FSIP1: variants seen among roughly 807,000 people sequenced by gnomAD.
FSIP1 encodes fibrous sheath interacting protein 1.
FSIP1 carries 65 observed loss-of-function variants against 60.9 expected under a neutral mutation model. That is an observed-to-expected ratio of 1.07 (90% CI 0.87 to 1.31). FSIP1 has a LOEUF of 1.31. Ranked by LOEUF, FSIP1 falls within the 40% of genes most tolerant of loss-of-function variation. FSIP1 has a pLI of 0.00. For missense variants in FSIP1, 675 were observed against 665.5 expected, an observed-to-expected ratio of 1.01 and a Z score of -0.16; for synonymous variants, 209 against 221.2, an observed-to-expected ratio of 0.94 and a Z score of 0.49.
chr15:39,630,166 G>T lies in FSIP1; in HGVS notation c.1189-11921C>A, dbSNP rs899998705. On this transcript the variant is annotated intron_variant, in intron 10 of 11. Transcript: ENST00000350221. ...CATGAAGCTCCATATTAATATATTT[G>T]CTCAGTGAACTGTCCTTTTACATTT... Among the ~76,000 whole-genome samples the T allele has an allele frequency of 2.0e-5, 3 of 152,182 alleles. No homozygotes were observed. The East Asian group carries it at 5.8e-4, about 29-fold the overall frequency.
At chr15:39,758,555 G>C (rs1289184421) in intron 5 of FSIP1, among the ~76,000 whole-genome samples, 3 of 151,956 alleles carry the variant, frequency 2.0e-5, no homozygotes, top group Non-Finnish European at 4.4e-5. Context: ...TGAAGGTATA[G>C]AATTACTGAT....
rs1017355369 is a variant in FSIP1 at position 39,639,041 on chromosome 15, C to T, written c.1189-20796G>A. Among the ~76,000 whole-genome samples the T allele has an allele frequency of 3.9e-5, 6 of 152,140 alleles. No homozygotes were observed. The South Asian group carries it at 6.2e-4, about 16-fold the overall frequency. On this transcript the variant is annotated intron_variant, in intron 10 of 11. Coordinates refer to ENST00000350221, the MANE Select transcript of FSIP1 (RefSeq NM_152597.5). ...GTAGTCTATGATATCGGAGATATAT[C>T]ATGAAATCAGAAGTAATACTAAAAG...
intron 11 of FSIP1, among the ~76,000 whole-genome samples, chr15:39,606,861 G>A (rs757351466): frequency 2.0e-5 from 3 of 152,294 alleles, no homozygotes; most frequent in South Asian, 2.1e-4. Flanking sequence ...TACTATACAA[G>A]CATAGGTGGC....
chr15:39,691,897 G>C (rs1395017716), intron 10 of FSIP1, among the ~76,000 whole-genome samples: 1 of 152,200 alleles, frequency 6.6e-6, no homozygotes, highest in Non-Finnish European at 1.5e-5. Context: ...TAGATAGAGA[G>C]CGAGTGATAG....
At chr15:39,673,266 C>T (rs1893791795) in intron 10 of FSIP1, among the ~76,000 whole-genome samples, 1 of 152,122 alleles carries the variant, frequency 6.6e-6, no homozygotes, top group South Asian at 2.1e-4. Flanking sequence ...ATCAAATTTC[C>T]TTTTTTAACT....
Position 39,737,949 on chromosome 15 carries a change from A to G in FSIP1, c.891+142T>C, listed in dbSNP as rs560062102. The G allele has an allele frequency of 5.4e-6, 3 of 550,902 alleles. No individual in the cohort carries two copies. In the African/African-American group the frequency reaches 5.8e-5, roughly 11 times the overall value. The allele number at this position is 550,902 out of a possible 1,614,324, so 34.1% of individuals were successfully genotyped here. A position where few individuals can be genotyped will look rare whatever the true frequency, so the allele number is the denominator to read the frequency against. ...GTATTTTGTTATCTGTTCCTGTGTT[A>G]GTAAAACAGGGTTTTTTTAAAATCA... is the stretch of plus-strand genomic sequence containing the variant. On this transcript the variant is annotated intron_variant, in intron 8 of 11. Transcript: ENST00000350221.
Position 39,636,607 on chromosome 15 carries a change from C to A in FSIP1, c.1189-18362G>T, listed in dbSNP as rs191011951. Among the ~76,000 whole-genome samples the A allele has an allele frequency of 1.6e-4, 25 of 152,238 alleles. No homozygotes were observed. In the East Asian group the frequency reaches 4.6e-3, roughly 28 times the overall value. On this transcript the variant is annotated intron_variant, in intron 10 of 11. Transcript: ENST00000350221. ...GGTGGATTGATGGACTTTAGGGATT[C>A]GGGGTGCCCTGAATTCACCAAATCC...
chr15:39,685,252 A>G (rs1324210339), intron 10 of FSIP1, among the ~76,000 whole-genome samples: 1 of 152,194 alleles, frequency 6.6e-6, no homozygotes, highest in Admixed American at 6.5e-5. Flanking sequence ...GAGGATTTCC[A>G]TGACAAAAAA....
At chr15:39,705,698 A>T (rs1895235631) in intron 10 of FSIP1, among the ~76,000 whole-genome samples, 2 of 152,174 alleles carry the variant, frequency 1.3e-5, no homozygotes, top group South Asian at 4.1e-4. Flanking sequence ...ATATATTTTC[A>T]ATTAAAAGTC....
At chr15:39,694,847 G>A (rs950422989) in intron 10 of FSIP1, among the ~76,000 whole-genome samples, 4 of 151,596 alleles carry the variant, frequency 2.6e-5, no homozygotes, top group African/African-American at 7.3e-5. Flanking sequence ...TATATATAAA[G>A]ACTCATTTTT....
At chr15:39,611,014 A>G (rs1386947038) in intron 11 of FSIP1, among the ~76,000 whole-genome samples, 1 of 152,258 alleles carries the variant, frequency 6.6e-6, no homozygotes, top group African/African-American at 2.4e-5. Context: ...TAATTGATAC[A>G]TAAAACTTAT....
intron 10 of FSIP1, among the ~76,000 whole-genome samples, chr15:39,624,164 G>A (rs1009305371): frequency 2.0e-5 from 3 of 152,204 alleles, no homozygotes; most frequent in Non-Finnish European, 4.4e-5. Context: ...TGGCAGGGCT[G>A]TGGGTAAGGT....
chr15:39,681,164 A>G (rs902792390), intron 10 of FSIP1, among the ~76,000 whole-genome samples: 2 of 152,258 alleles, frequency 1.3e-5, no homozygotes, highest in Non-Finnish European at 2.9e-5. Context: ...AGAAATGAAG[A>G]AAGAGTTATA....
intron 10 of FSIP1, among the ~76,000 whole-genome samples, chr15:39,653,621 C>A (rs774297133): frequency 6.6e-6 from 1 of 152,086 alleles, no homozygotes; most frequent in Non-Finnish European, 1.5e-5. Flanking sequence ...TGGGAGGGAC[C>A]GGGTGGGAGA....
intron 10 of FSIP1, among the ~76,000 whole-genome samples, chr15:39,694,628 C>T (rs1209982105): frequency 6.6e-6 from 1 of 151,766 alleles, no homozygotes; most frequent in Non-Finnish European, 1.5e-5. Context: ...TGGGGAACGC[C>T]GTCTCTACTA....
At chr15:39,777,632 A>T (rs540087860) in intron 1 of FSIP1, among the ~76,000 whole-genome samples, 3 of 152,350 alleles carry the variant, frequency 2.0e-5, no homozygotes, top group South Asian at 4.1e-4. Context: ...GTGGCTGACT[A>T]AGACCATTCC....
At chr15:39,760,157 T>C (rs1173124531) in intron 5 of FSIP1, among the ~76,000 whole-genome samples, 4 of 152,162 alleles carry the variant, frequency 2.6e-5, no homozygotes, top group African/African-American at 9.7e-5. Context: ...ATCTAATGAA[T>C]TAATATATAA....
chr15:39,742,518 G>A (rs756473366), intron 5 of FSIP1, among the ~76,000 whole-genome samples: 3 of 152,106 alleles, frequency 2.0e-5, no homozygotes, highest in Non-Finnish European at 2.9e-5. Flanking sequence ...TTTGCAAGAC[G>A]CCGTTAACAT....
chr15:39,630,479 A>G (rs1891836145), intron 10 of FSIP1, among the ~76,000 whole-genome samples: 1 of 152,234 alleles, frequency 6.6e-6, no homozygotes, highest in African/African-American at 2.4e-5. Flanking sequence ...GTCCCTTATT[A>G]GGTGGGTATC....
Sources: gnomAD v4.1 joint callset for allele counts (sites outside exome capture counted in the v4.1 genomes callset) on GRCh38, gnomAD v4.1.1 for gene constraint, MANE v1.5 for transcripts, NCBI Gene and HGNC (gene_info 2026-07-23, HGNC 2026-07-21) for gene names.